Variants in ANO7 observed in about 807,000 individuals in gnomAD.
ANO7 encodes anoctamin 7, also known as anoctamin-7.
ANO7 carries 114 observed loss-of-function variants against 115.8 expected under a neutral mutation model. The observed-to-expected ratio is 0.98, with a 90% CI of 0.85 to 1.15. The LOEUF is 1.15. Among genes scored for constraint, ANO7 ranks in the 50% most tolerant of loss-of-function variants. The pLI is 0.00. For missense variants in ANO7, 1,302 were observed against 1,201.2 expected (o/e 1.08, Z -1.24); for synonymous variants, 550 against 498.2 (o/e 1.10, Z -1.38).
Position 241,190,116 on chromosome 2 carries a change from G to GC in ANO7, c.59dup (p.Glu21Ter). ...GACAGCACCGTCCTGATCGATGTGA[G>GC]CCCCCCTGAGGCAGAGAAGAGGGGC... On this transcript the variant is annotated frameshift_variant, in exon 2 of 25. Coordinates refer to ENST00000674324, the MANE Select transcript of ANO7 (RefSeq NM_001370694.2). LOFTEE classifies it high-confidence loss of function. 1.9e-6 allele frequency: 3 copies of GC among 1,581,614 alleles called. No homozygotes were observed. The highest frequency in any genetic ancestry group is 2.6e-6 in the Non-Finnish European group (3 of 1,164,096).
Position 241,210,565 on chromosome 2 carries a change from G to A in ANO7, c.1556G>A (p.Arg519Gln), listed in dbSNP as rs760844278. Reference sequence around the variant, plus strand: ...GTATCCCTGGCCCACGTCCTGACACGATGGGGTGAGTGGGCTGAGGCCGGC... The same window carrying A: ...GTATCCCTGGCCCACGTCCTGACACAATGGGGTGAGTGGGCTGAGGCCGGC... ...IYVSLAHVLT[R>Q]WEMHRTQTKF... Residue 519 changes from arginine (R) to glutamine (Q), a missense_variant, in exon 15 of 25, where the codon CGA (arginine) becomes CAA (glutamine). Transcript: ENST00000674324. The A allele has an allele frequency of 1.2e-5, 19 of 1,613,372 alleles. No homozygotes were observed. In the South Asian group the frequency reaches 1.8e-4, roughly 15 times the overall value.
At chr2:241,199,227 T>A in intron 4 of ANO7, 89 bp from the exon 5 acceptor site, 2 of 1,141,594 alleles carry the variant, frequency 1.8e-6, no homozygotes, top group Non-Finnish European at 2.6e-6. Flanking sequence ...GAAATGCCAG[T>A]CTTTTCCTAA....
chr2:241,212,324 G>A (rs1053627924), intron 16 of ANO7, 119 bp downstream of exon 16: 27 of 1,090,290 alleles, frequency 2.5e-5, no homozygotes, highest in Middle Eastern at 2.0e-4. Context: ...GGACGGAACC[G>A]GAGACCCAGG....
chr2:241,239,579 T>TC, the ANO7 span: 1 of 1,597,376 alleles, frequency 6.3e-7, no homozygotes, highest in Non-Finnish European at 8.6e-7. The surrounding 1 kb of genome is among the most constrained non-coding windows in gnomAD (Gnocchi z 4.6). Context: ...TGAGAACCCC[T>TC]CCCCGAGCAC....
downstream of ANO7, chr2:241,230,275 AG>A: frequency 1.3e-6 from 2 of 1,557,234 alleles, no homozygotes; most frequent in Non-Finnish European, 1.8e-6. This position sits in a 1 kb window ranked among gnomAD's most constrained non-coding sequence, Gnocchi z 5.0. Context: ...TCCACCTGGA[AG>A]GGGTGTACAA....
At chr2:241,205,065 G>A in intron 10 of ANO7, 110 bp downstream of exon 10, 1 of 859,466 alleles carries the variant, frequency 1.2e-6, no homozygotes, top group South Asian at 1.5e-5. Context: ...GGTGCTTGAG[G>A]TGATTGAGGT....
chr2:241,226,666 C>T (rs1054174330), downstream of ANO7, among the ~76,000 whole-genome samples: 2 of 152,136 alleles, frequency 1.3e-5, no homozygotes, highest in Non-Finnish European at 2.9e-5. Flanking sequence ...CCTCGTGATC[C>T]GCCCACCTCG....
Position 241,224,644 on chromosome 2 carries a change from C to A in ANO7, c.*491C>A, listed in dbSNP as rs2069115243. On this transcript the variant is annotated 3_prime_UTR_variant, in exon 25 of 25. Transcript: ENST00000674324. ...TGCGCAGGGACATCACCCACATGCC[C>A]CAGCTCTCGGACCCTGCAGCTCTGT... The A allele has an allele frequency of 6.2e-6, 1 of 160,350 alleles. No homozygotes were observed. Among genetic ancestry groups the A allele is most frequent in the Non-Finnish European group, 1.4e-5 (1 of 72,744 alleles). 9.9% of individuals were successfully genotyped at this position (160,350 alleles called of 1,614,324 possible). A position where few individuals can be genotyped will look rare whatever the true frequency, so the allele number is the denominator to read the frequency against.
rs11900347 is a variant in ANO7 at position 241,194,063 on chromosome 2, C to G, written c.167-1640C>G. Among the ~76,000 whole-genome samples, 1,008 of 151,862 alleles carry G rather than the reference C, an allele frequency of 6.6e-3. 12 individuals carry two copies. The highest frequency in any genetic ancestry group is 0.023 in the African/African-American group (944 of 41,418). ...GCTAATTTTGTATTTTTAGTAGAGACAGGGTTTCGCCATGTTGGCCAGGCT... is the reference window on the plus strand; with the variant it reads ...GCTAATTTTGTATTTTTAGTAGAGAGAGGGTTTCGCCATGTTGGCCAGGCT... On this transcript the variant is annotated intron_variant, in intron 3 of 24. Coordinates refer to ENST00000674324, the MANE Select transcript of ANO7 (RefSeq NM_001370694.2).
chr2:241,234,950 G>C, the ANO7 span, among the ~76,000 whole-genome samples: 1 of 152,236 alleles, frequency 6.6e-6, no homozygotes, highest in African/African-American at 2.4e-5. Flanking sequence ...CTCTTGGCTA[G>C]TTCCACAGCA....
chr2:241,194,758 C>T (rs2068283596), intron 3 of ANO7, among the ~76,000 whole-genome samples: 1 of 152,144 alleles, frequency 6.6e-6, no homozygotes, highest in African/African-American at 2.4e-5. Context: ...TAACCTTCAC[C>T]ATAGGAATGT....
At chr2:241,207,771 C>G in intron 11 of ANO7, 101 bp downstream of exon 11, 1 of 1,080,100 alleles carries the variant, frequency 9.3e-7, no homozygotes, top group Non-Finnish European at 1.4e-6. Context: ...AGCCCCTGTC[C>G]TGCTTGTCAC....
the ANO7 span, among the ~76,000 whole-genome samples, chr2:241,237,315 G>A: frequency 7.9e-5 from 12 of 152,334 alleles, no homozygotes; most frequent in East Asian, 1.9e-3. Context: ...CCCCAGAAGT[G>A]AAGAGGCGTG....
At chr2:241,219,835 A>T (rs2068967700) in intron 21 of ANO7, among the ~76,000 whole-genome samples, 2 of 151,670 alleles carry the variant, frequency 1.3e-5, no homozygotes, top group African/African-American at 4.8e-5. Context: ...GGCCTCCCAA[A>T]GCACTGGGAT....
In ANO7 at chr2:241,223,943, C is replaced by T. The variant is rs200588203; in HGVS notation, c.2571C>T (p.Pro857=). 7.5e-6 allele frequency: 12 copies of T among 1,609,376 alleles called. No homozygotes were observed. The highest frequency in any genetic ancestry group is 2.2e-5 in the East Asian group (1 of 44,860). Residue 857 remains proline (P), a synonymous_variant, in exon 24 of 25, where the codon CCC becomes CCT. Transcript: ENST00000674324. ...CGAACGGAACAAAGGATGAGCAGCC[C>T]GAGGGCTCAGAGGCAAGTCTGGGAG... ...FGTNGTKDEQ[P]EGSELSSHWT... is the part of the protein sequence containing the mutation.
intron 4 of ANO7, chr2:241,198,994 G>C: frequency 2.8e-6 from 1 of 356,724 alleles, no homozygotes; most frequent in Admixed American, 3.9e-5. Context: ...GGAGGCAGGC[G>C]TGTGTCAGCA....
At chr2:241,222,856 G>A (rs1316012239) in intron 21 of ANO7, among the ~76,000 whole-genome samples, 1 of 152,166 alleles carries the variant, frequency 6.6e-6, no homozygotes, top group African/African-American at 2.4e-5. Context: ...TAAGTAGACT[G>A]AAGTCATCCG....
downstream of ANO7, chr2:241,230,765 T>A: frequency 6.2e-7 from 1 of 1,613,936 alleles, no homozygotes; most frequent in Non-Finnish European, 8.5e-7. The surrounding 1 kb of genome is among the most constrained non-coding windows in gnomAD (Gnocchi z 5.0). Context: ...TCACCTTGAA[T>A]TCGTCCATGA....
chr2:241,228,376 C>G (rs1361488444), downstream of ANO7: 1 of 152,426 alleles, frequency 6.6e-6, no homozygotes, highest in African/African-American at 2.4e-5. Context: ...TTCTGCTCTA[C>G]CTCATGCTCT....
Sources: gnomAD v4.1 joint callset for allele counts (sites outside exome capture counted in the v4.1 genomes callset) on GRCh38, gnomAD v4.1.1 for gene constraint, Gnocchi (gnomAD v3.1) non-coding constraint, MANE v1.5 for transcripts, NCBI Gene and HGNC (gene_info 2026-07-23, HGNC 2026-07-21) for gene names.